The following FHIP1A variants were observed in gnomAD, a reference collection of about 807,000 sequenced individuals.
The protein encoded by FHIP1A is FHF complex subunit HOOK-interacting protein 1A.
Under a neutral mutation model 88.6 loss-of-function variants are expected in FHIP1A, and 61 were observed. That is an observed-to-expected ratio of 0.69 (90% confidence interval 0.56 to 0.85). FHIP1A has a LOEUF of 0.85. FHIP1A is among the 40% of genes least tolerant of loss of function. FHIP1A has a pLI of 0.00. For missense variants in FHIP1A, 1,154 were observed against 1,273.5 expected, an observed-to-expected ratio of 0.91 and a Z score of 1.43; for synonymous variants, 478 against 496.0, an observed-to-expected ratio of 0.96 and a Z score of 0.48.
chr4:151,505,607 A>G (rs1043440345), intron 3 of FHIP1A, among the ~76,000 whole-genome samples: 12 of 152,214 alleles, frequency 7.9e-5, no homozygotes, highest in African/African-American at 2.7e-4. Context: ...ATTTTGAATA[A>G]TTGAACGCTG....
At chr4:151,516,652 G>T (rs1015407947) in intron 3 of FHIP1A, among the ~76,000 whole-genome samples, 41 of 152,312 alleles carry the variant, frequency 2.7e-4, no homozygotes, top group Admixed American at 1.8e-3. Context: ...GACAGGAACA[G>T]ACACTTACCA....
At chr4:151,637,361 G>A (rs193153506) in intron 8 of FHIP1A, among the ~76,000 whole-genome samples, 195 of 152,176 alleles carry the variant, frequency 1.3e-3, no homozygotes, top group Non-Finnish European at 2.3e-3. Context: ...ACAACAGCAG[G>A]AACTTGAAAA....
chr4:151,452,118 G>A (rs1199037468), intron 1 of FHIP1A, among the ~76,000 whole-genome samples: 2 of 152,140 alleles, frequency 1.3e-5, no homozygotes, highest in African/African-American at 4.8e-5. Context: ...ACCACGCCTG[G>A]CTACAATTAG....
chr4:151,536,451 C>T (rs1732072473), intron 3 of FHIP1A, among the ~76,000 whole-genome samples: 1 of 152,140 alleles, frequency 6.6e-6, no homozygotes, highest in South Asian at 2.1e-4. Flanking sequence ...TTCCCTCCTG[C>T]CCTCCCTGCC....
At chr4:151,615,344 G>T (rs1735482994) in intron 7 of FHIP1A, among the ~76,000 whole-genome samples, 1 of 151,736 alleles carries the variant, frequency 6.6e-6, no homozygotes, top group Admixed American at 6.6e-5. Context: ...TAGGGCAAAA[G>T]TTTGAGCCTC....
chr4:151,632,061 G>T (rs1736177247), intron 8 of FHIP1A, among the ~76,000 whole-genome samples: 1 of 151,868 alleles, frequency 6.6e-6, no homozygotes, highest in Non-Finnish European at 1.5e-5. Context: ...ACTCACTTTC[G>T]ATCTAAGAAC....
chr4:151,555,110 T>C (rs1195960400), intron 3 of FHIP1A, among the ~76,000 whole-genome samples: 2 of 152,120 alleles, frequency 1.3e-5, no homozygotes, highest in Non-Finnish European at 2.9e-5. Context: ...AGGCAGTTAC[T>C]TGTTTGATTC....
At chr4:151,566,629 A>G (rs1438800685) in intron 4 of FHIP1A, among the ~76,000 whole-genome samples, 1 of 152,212 alleles carries the variant, frequency 6.6e-6, no homozygotes, top group African/African-American at 2.4e-5. Context: ...GTTGTTCTTT[A>G]AAGTGACTTT....
intron 3 of FHIP1A, among the ~76,000 whole-genome samples, chr4:151,491,372 A>G (rs976904164): frequency 2.0e-5 from 3 of 152,182 alleles, no homozygotes; most frequent in African/African-American, 7.2e-5. Context: ...TCATCCAAGA[A>G]TTTTGTATCC....
chr4:151,429,972 A>G (rs181088725), intron 1 of FHIP1A, among the ~76,000 whole-genome samples: 100 of 152,294 alleles, frequency 6.6e-4, no homozygotes, highest in African/African-American at 2.3e-3. Context: ...GAAAATTTCA[A>G]AGGAATGTTA....
At chr4:151,480,880 A>T (rs1729872516) in intron 2 of FHIP1A, among the ~76,000 whole-genome samples, 1 of 151,906 alleles carries the variant, frequency 6.6e-6, no homozygotes, top group African/African-American at 2.4e-5. Flanking sequence ...GAGAAGGTAC[A>T]TTCTAAGCCT....
chr4:151,526,651 C>A (rs549534795), intron 3 of FHIP1A, among the ~76,000 whole-genome samples: 1 of 150,046 alleles, frequency 6.7e-6, no homozygotes, highest in Non-Finnish European at 1.5e-5. Flanking sequence ...GGCGGCTGGC[C>A]GGGCGGGGGG....
chr4:151,650,071 T>A lies in FHIP1A; in HGVS notation c.2030T>A (p.Val677Asp). ...GAAGCCCAGGCTGAAGTTCAGAGTG[T>A]CCCCATCAACAACGGCCCCCTCCTC... ...PAEAQAEVQS[V>D]PINNGPLLST... The change falls in exon 11 of 14, where the codon GTC becomes GAC. Residue 677 changes from valine (V) to aspartate (D), a missense_variant. Coordinates refer to ENST00000435205, the MANE Select transcript of FHIP1A (RefSeq NM_001109977.3). 6.4e-7 allele frequency: 1 copy of A among 1,551,408 alleles called. No homozygotes were observed. Among genetic ancestry groups the A allele is most frequent in the Admixed American group, 2.0e-5 (1 of 50,966 alleles).
intron 1 of FHIP1A, among the ~76,000 whole-genome samples, chr4:151,446,589 T>C (rs1297688172): frequency 6.7e-6 from 1 of 150,282 alleles, no homozygotes; most frequent in African/African-American, 2.4e-5. Context: ...TTCTTTTTTT[T>C]TTTTTTTTTT....
Position 151,603,671 on chromosome 4 carries a change from G to A in FHIP1A, c.978+14745G>A, listed in dbSNP as rs142361379. On this transcript the variant is annotated intron_variant, in intron 7 of 13. Transcript: ENST00000435205. ...GGCAAACTCATAATGTCTTTCTCCC[G>A]AGGCTAGCTTAATTCATCCTCTGCA... 2.8e-3 allele frequency among the ~76,000 whole-genome samples: 424 copies of A among 152,188 alleles called. 2 individuals carry two copies. The highest frequency in any genetic ancestry group is 9.9e-3 in the African/African-American group (410 of 41,514).
In FHIP1A at chr4:151,638,769, T is replaced by A. The variant is rs1344816263; in HGVS notation, c.1226+13T>A. On this transcript the variant is annotated intron_variant, in intron 9 of 13. Transcript: ENST00000435205. Reference sequence around the variant, plus strand: ...AGCTAGTTCTAAGGTGAGTTGCCTTTTTTGTTTCCTTTAAAGAAAAATTCA... The same window carrying A: ...AGCTAGTTCTAAGGTGAGTTGCCTTATTTGTTTCCTTTAAAGAAAAATTCA... 1 of 1,482,380 alleles carries A rather than the reference T, an allele frequency of 6.7e-7. No homozygotes were observed. Among genetic ancestry groups the A allele is most frequent in the Non-Finnish European group, 9.2e-7 (1 of 1,090,836 alleles). The allele number at this position is 1,482,380 out of a possible 1,614,324, so 91.8% of individuals were successfully genotyped here.
At chr4:151,502,297 A>G (rs1334142903) in intron 3 of FHIP1A, among the ~76,000 whole-genome samples, 1 of 151,138 alleles carries the variant, frequency 6.6e-6, no homozygotes, top group African/African-American at 2.4e-5. Flanking sequence ...AGCCTGAGTG[A>G]TAGAACAAGA....
At chr4:151,410,314 C>T (rs1007682339) in intron 1 of FHIP1A, among the ~76,000 whole-genome samples, 5 of 152,208 alleles carry the variant, frequency 3.3e-5, no homozygotes, top group Middle Eastern at 6.8e-3. Context: ...AGGGAAAGAG[C>T]CAAATGTTGA....
Position 151,528,756 on chromosome 4 carries a change from A to G in FHIP1A, c.-122-37382A>G, listed in dbSNP as rs6821922. Among the ~76,000 whole-genome samples, 703 of 152,150 alleles carry G rather than the reference A, an allele frequency of 4.6e-3. 4 individuals are homozygous for G. Among genetic ancestry groups the G allele is most frequent in the African/African-American group, 0.016 (650 of 41,502 alleles). On this transcript the variant is annotated intron_variant, in intron 3 of 13. Transcript: ENST00000435205. Reference sequence around the variant, plus strand: ...ATAGTCTTTCTTTTTTCATTCCTTAATGGAACCTTATCTCAAGGAGAAAAC... The same window carrying G: ...ATAGTCTTTCTTTTTTCATTCCTTAGTGGAACCTTATCTCAAGGAGAAAAC...
Sources: allele counts gnomAD v4.1 joint callset (sites outside exome capture counted in the v4.1 genomes callset), GRCh38; gene constraint gnomAD v4.1.1; transcripts MANE v1.5; gene names NCBI Gene and HGNC (gene_info 2026-07-23, HGNC 2026-07-21).